ARPC1A: variants seen among roughly 807,000 people sequenced by gnomAD.
The protein encoded by ARPC1A is actin-related protein 2/3 complex subunit 1A.
In ARPC1A, 8 loss-of-function variants were observed where a neutral mutation model predicts 46.9. That is an observed-to-expected ratio of 0.17 (90% CI 0.10 to 0.31). The LOEUF (loss-of-function observed/expected upper bound fraction) is 0.31, where lower values mean the gene tolerates loss of function less well. Among genes scored for constraint, ARPC1A ranks in the 10% least tolerant of loss-of-function variants. ARPC1A has a pLI of 1.00. For missense variants in ARPC1A, 286 were observed against 483.6 expected (o/e 0.59, Z 3.83); for synonymous variants, 152 against 169.0 (o/e 0.90, Z 0.78).
At position 99,349,011 on chromosome 7, in the gene ARPC1A, A is replaced by G. The variant is rs1229765666; in HGVS notation, c.500+52A>G. 5 of 1,489,910 alleles carry G rather than the reference A, an allele frequency of 3.4e-6. No individual in the cohort carries two copies. In the East Asian group the frequency reaches 1.1e-4, roughly 34 times the overall value. 92.3% of individuals were successfully genotyped at this position (1,489,910 alleles called of 1,614,324 possible). On this transcript the variant is annotated intron_variant, in intron 5 of 9. Transcript: ENST00000262942. ...TTGAGCCGTGCATTCTTCATCCTTCAACAAATAATTTTAGGTTCTCTTTCT... is the reference window on the plus strand; with the variant it reads ...TTGAGCCGTGCATTCTTCATCCTTCGACAAATAATTTTAGGTTCTCTTTCT...
intron 1 of ARPC1A, among the ~76,000 whole-genome samples, chr7:99,327,455 C>T (rs1159988154): frequency 6.6e-6 from 1 of 151,490 alleles, no homozygotes; most frequent in Non-Finnish European, 1.5e-5. Flanking sequence ...TGACTACAGG[C>T]ATGAGCCACT....
At position 99,333,403 on chromosome 7, in the gene ARPC1A, A is replaced by G. The variant is rs149266584; in HGVS notation, c.50A>G (p.Asn17Ser). 5.3e-5 allele frequency: 86 copies of G among 1,613,570 alleles called. No individual in the cohort carries two copies. The African/African-American group carries it at 9.7e-4, about 18-fold the overall frequency. ...GAGCCAATCACCTGTCATGCCTGGA[A>G]CAGGGATCGTACTCGTAAGTATTTT... is the stretch of plus-strand genomic sequence containing the variant. The part of the protein sequence containing the change: ...LLEPITCHAW[N>S]RDRTQIALSP... Residue 17 changes from asparagine to serine, a missense_variant, in exon 2 of 10, where the codon AAC (asparagine) becomes AGC (serine). Physicochemically the swap from Asn to Ser is conservative, Grantham distance 46 (BLOSUM62 1). Coordinates refer to ENST00000262942, the MANE Select transcript of ARPC1A (RefSeq NM_006409.4).
At chr7:99,328,396 G>C (rs560160618) in intron 1 of ARPC1A, among the ~76,000 whole-genome samples, 1 of 152,266 alleles carries the variant, frequency 6.6e-6, no homozygotes, top group Admixed American at 6.5e-5. Flanking sequence ...TGGGTCAAAG[G>C]GAGAAAGGGA....
chr7:99,359,839 C>A, intron 8 of ARPC1A, 101 bp downstream of exon 8: 2 of 1,324,868 alleles, frequency 1.5e-6, no homozygotes, highest in Non-Finnish European at 2.1e-6. Context: ...CCCCTCAGGC[C>A]CAGACATTCT....
chr7:99,350,197 A>C (rs143558799), intron 5 of ARPC1A, among the ~76,000 whole-genome samples: 1 of 152,076 alleles, frequency 6.6e-6, no homozygotes, highest in Non-Finnish European at 1.5e-5. Flanking sequence ...AAGAATATCT[A>C]TGGTTTAGAG....
chr7:99,350,165 C>T (rs1793523964), intron 5 of ARPC1A, among the ~76,000 whole-genome samples: 1 of 152,150 alleles, frequency 6.6e-6, no homozygotes, highest in African/African-American at 2.4e-5. Context: ...AGGGTGGGGC[C>T]AGCGAAGATT....
intron 6 of ARPC1A, among the ~76,000 whole-genome samples, chr7:99,354,783 G>C (rs1793603189): frequency 6.6e-6 from 1 of 150,568 alleles, no homozygotes; most frequent in African/African-American, 2.4e-5. Context: ...GGAGTTCAAG[G>C]CCAGCCTGGC....
chr7:99,353,303 C>T (rs112836218), intron 5 of ARPC1A, among the ~76,000 whole-genome samples: 1,726 of 151,420 alleles, frequency 0.011, 30 homozygotes, highest in African/African-American at 0.039. Context: ...GGACTACAGG[C>T]GCCTGCCACC....
intron 2 of ARPC1A, among the ~76,000 whole-genome samples, chr7:99,333,664 A>G (rs1419259055): frequency 6.6e-6 from 1 of 152,182 alleles, no homozygotes; most frequent in Non-Finnish European, 1.5e-5. Flanking sequence ...AGGACCTAGA[A>G]TAAGCTGTTT....
chr7:99,350,777 C>T (rs1793533271), intron 5 of ARPC1A, among the ~76,000 whole-genome samples: 1 of 151,088 alleles, frequency 6.6e-6, no homozygotes, highest in Admixed American at 6.6e-5. Flanking sequence ...TCCTGAGTAG[C>T]TGGGACCACA....
At chr7:99,327,454 G>A (rs933084945) in intron 1 of ARPC1A, among the ~76,000 whole-genome samples, 3 of 151,558 alleles carry the variant, frequency 2.0e-5, no homozygotes, top group African/African-American at 7.3e-5. Context: ...GTGACTACAG[G>A]CATGAGCCAC....
intron 4 of ARPC1A, among the ~76,000 whole-genome samples, chr7:99,345,871 A>G (rs1378979049): frequency 6.6e-6 from 1 of 152,166 alleles, no homozygotes; most frequent in Non-Finnish European, 1.5e-5. Flanking sequence ...TAATTTAGTA[A>G]AACTTCAGAA....
At chr7:99,333,577 A>C (rs1793185249) in intron 2 of ARPC1A, among the ~76,000 whole-genome samples, 160 bp downstream of exon 2, 1 of 152,196 alleles carries the variant, frequency 6.6e-6, no homozygotes, top group Admixed American at 6.5e-5. Context: ...TGGTTTACAG[A>C]TAGATAAACT....
chr7:99,338,804 T>C (rs867849130), intron 3 of ARPC1A, among the ~76,000 whole-genome samples: 2 of 152,188 alleles, frequency 1.3e-5, no homozygotes, highest in African/African-American at 4.8e-5. Flanking sequence ...CACTCTACCG[T>C]TGCTATGGAA....
chr7:99,362,091 T>TCAAGACCAGCCTGAC (rs1356760360), intron 8 of ARPC1A, among the ~76,000 whole-genome samples: 1 of 151,988 alleles, frequency 6.6e-6, no homozygotes, highest in Non-Finnish European at 1.5e-5. Flanking sequence ...GGTCAGGTGG[T>TCAAGACCAGCCTGAC]CAAGACCAGC....
At chr7:99,364,563 C>T (rs1044315949) in intron 9 of ARPC1A, among the ~76,000 whole-genome samples, 2 of 152,050 alleles carry the variant, frequency 1.3e-5, no homozygotes, top group Non-Finnish European at 2.9e-5. Flanking sequence ...TGAGCCACTG[C>T]GCCCAGCCAG....
At chr7:99,348,755 T>C (rs1400711536) in intron 4 of ARPC1A, 97 bp from the exon 5 acceptor site, 32 of 731,394 alleles carry the variant, frequency 4.4e-5, no homozygotes, top group African/African-American at 5.4e-5. Flanking sequence ...TAAGGAAAAG[T>C]GTGGCCTACT....
intron 6 of ARPC1A, among the ~76,000 whole-genome samples, chr7:99,356,581 G>A (rs544403753): frequency 1.3e-5 from 2 of 148,650 alleles, no homozygotes; most frequent in East Asian, 4.0e-4. Context: ...CTCCAGCCTG[G>A]GCAACAAGAG....
At chr7:99,362,929 G>A (rs1562804170) in intron 8 of ARPC1A, among the ~76,000 whole-genome samples, 1 of 152,048 alleles carries the variant, frequency 6.6e-6, no homozygotes, top group Non-Finnish European at 1.5e-5. Context: ...GACTCAAGGA[G>A]GGCTGTTGGC....
Sources: allele counts gnomAD v4.1 joint callset (sites outside exome capture counted in the v4.1 genomes callset), GRCh38; gene constraint gnomAD v4.1.1; transcripts MANE v1.5; gene names NCBI Gene and HGNC (gene_info 2026-07-23, HGNC 2026-07-21).